Variants in PARD3B observed in about 807,000 individuals in gnomAD.
The protein encoded by PARD3B is par-3 family cell polarity regulator beta.
PARD3B carries 103 observed loss-of-function variants against 130.2 expected under a neutral mutation model. The observed-to-expected ratio is 0.79, with a 90% CI of 0.67 to 0.93. The LOEUF (loss-of-function observed/expected upper bound fraction) is 0.93, where lower values mean the gene tolerates loss of function less well. Ranked by LOEUF, PARD3B falls within the 40% of genes least tolerant of loss-of-function variation. PARD3B has a pLI of 0.00. For missense variants in PARD3B, 1,609 were observed against 1,499.2 expected (o/e 1.07, Z -1.21); for synonymous variants, 583 against 553.2 (o/e 1.05, Z -0.76).
chr2:205,103,202 T>TAAA (rs1702924724), intron 4 of PARD3B, among the ~76,000 whole-genome samples: 1 of 145,730 alleles, frequency 6.9e-6, no homozygotes, highest in Admixed American at 6.9e-5. Flanking sequence ...TATATTTATG[T>TAAA]AAACATTTTA....
chr2:204,620,806 ATC>A lies in PARD3B; in HGVS notation c.121-65371_121-65370del, dbSNP rs138095872. Among the ~76,000 whole-genome samples the A allele has an allele frequency of 3.3e-4, 50 of 152,200 alleles. No individual in the cohort carries two copies. In the East Asian group the frequency reaches 7.9e-3, roughly 24 times the overall value. ...TAGTGGTGGCTACCTGTGCCAAGAAATCTCTGTTTTGATGATCTGAGAGTGCT... is the reference window on the plus strand; with the variant it reads ...TAGTGGTGGCTACCTGTGCCAAGAAATCTGTTTTGATGATCTGAGAGTGCT... On this transcript the variant is annotated intron_variant, in intron 1 of 22. Transcript: ENST00000406610.
chr2:205,337,551 GT>G (rs2043358038), intron 18 of PARD3B, among the ~76,000 whole-genome samples: 1 of 152,098 alleles, frequency 6.6e-6, no homozygotes, highest in African/African-American at 2.4e-5. Flanking sequence ...TGACTTTTTG[GT>G]TGTTACAGAT....
chr2:205,433,931 A>G (rs2047423851), intron 19 of PARD3B, among the ~76,000 whole-genome samples: 1 of 152,198 alleles, frequency 6.6e-6, no homozygotes, highest in African/African-American at 2.4e-5. Flanking sequence ...TTTTATGTCT[A>G]ATTTTTGCTA....
chr2:205,581,188 G>A (rs2053949830), intron 22 of PARD3B, among the ~76,000 whole-genome samples: 1 of 149,556 alleles, frequency 6.7e-6, no homozygotes, highest in Non-Finnish European at 1.5e-5. Flanking sequence ...CTACCTAAGT[G>A]TCTATCAACA....
At chr2:205,036,309 ATATG>A (rs1303130098) in intron 3 of PARD3B, among the ~76,000 whole-genome samples, 2 of 147,392 alleles carry the variant, frequency 1.4e-5, no homozygotes, top group Admixed American at 1.4e-4. Context: ...ATATAAAAAT[ATATG>A]TATATAGTGG....
chr2:204,742,025 T>G (rs1243419405), intron 2 of PARD3B, among the ~76,000 whole-genome samples: 6 of 152,142 alleles, frequency 3.9e-5, no homozygotes, highest in Non-Finnish European at 5.9e-5. Context: ...CAGGATCTAC[T>G]TACTCAGAAG....
At chr2:205,048,152 G>C (rs778501198) in intron 4 of PARD3B, 1 of 152,446 alleles carries the variant, frequency 6.6e-6, no homozygotes, top group Non-Finnish European at 1.5e-5. Flanking sequence ...AATGTCCAAG[G>C]ATATCATTAT....
At position 205,530,703 on chromosome 2, in the gene PARD3B, C is replaced by T. The variant is rs2051553370; in HGVS notation, c.3181-22621C>T. 6.6e-6 allele frequency among the ~76,000 whole-genome samples: 1 copy of T among 151,500 alleles called. No individual in the cohort carries two copies. Reference sequence around the variant, plus strand: ...AGAGCTAACTTGGATTCCTTTCTTTCATAATCCCCTACAAAGTGTTGCACA... The same window carrying T: ...AGAGCTAACTTGGATTCCTTTCTTTTATAATCCCCTACAAAGTGTTGCACA... On this transcript the variant is annotated intron_variant, in intron 21 of 22. Transcript: ENST00000406610. The surrounding 1 kb of genome is among the most constrained non-coding windows in gnomAD (Gnocchi z 4.7).
intron 3 of PARD3B, among the ~76,000 whole-genome samples, chr2:205,006,891 C>A (rs1695306934): frequency 6.6e-6 from 1 of 152,112 alleles, no homozygotes; most frequent in South Asian, 2.1e-4. Flanking sequence ...TTTGTCTAAA[C>A]CAATGTCCAG....
intron 2 of PARD3B, among the ~76,000 whole-genome samples, chr2:204,850,500 G>GTA (rs962918465): frequency 5.5e-4 from 83 of 151,704 alleles, no homozygotes; most frequent in Admixed American, 8.5e-4. Context: ...ATAGATATAT[G>GTA]TATATATATA....
At chr2:205,103,081 TA>T (rs67502089) in intron 4 of PARD3B, among the ~76,000 whole-genome samples, 40,505 of 144,460 alleles carry the variant, frequency 0.28, 6,554 homozygotes, top group Admixed American at 0.44. Flanking sequence ...TAAAAATATA[TA>T]TTTTTTTATT....
chr2:204,578,311 A>G (rs2032373738), intron 1 of PARD3B, among the ~76,000 whole-genome samples: 1 of 152,178 alleles, frequency 6.6e-6, no homozygotes, highest in Admixed American at 6.5e-5. Context: ...TGGATTAGTT[A>G]TTTTAAAAAC....
At chr2:205,255,465 A>G (rs1317117130) in intron 16 of PARD3B, among the ~76,000 whole-genome samples, 2 of 152,064 alleles carry the variant, frequency 1.3e-5, no homozygotes, top group East Asian at 1.9e-4. Flanking sequence ...CTATAATTCA[A>G]TTCAATTCTG....
chr2:205,453,814 A>G (rs1384474936), intron 20 of PARD3B, among the ~76,000 whole-genome samples: 1 of 152,214 alleles, frequency 6.6e-6, no homozygotes, highest in Admixed American at 6.5e-5. Flanking sequence ...TTTTTGTTGC[A>G]GTTGTACATG....
chr2:205,459,833 A>G (rs188182971), intron 20 of PARD3B, among the ~76,000 whole-genome samples: 1 of 152,118 alleles, frequency 6.6e-6, no homozygotes, highest in Non-Finnish European at 1.5e-5. Flanking sequence ...AAAATAGCTA[A>G]TCTGGTGGTG....
chr2:204,764,276 GAGTTACTCCAT>G (rs1203193026), intron 2 of PARD3B, among the ~76,000 whole-genome samples: 1 of 152,162 alleles, frequency 6.6e-6, no homozygotes, highest in Non-Finnish European at 1.5e-5. Context: ...CCCTTAGCTT[GAGTTACTCCAT>G]AGTTACTCCA....
intron 15 of PARD3B, among the ~76,000 whole-genome samples, chr2:205,222,827 A>T (rs1010258047): frequency 2.0e-5 from 3 of 150,448 alleles, no homozygotes; most frequent in Non-Finnish European, 2.9e-5. Flanking sequence ...CCTAGGAGCA[A>T]TCTTGCACAA....
In PARD3B at chr2:204,610,384, C is replaced by G. The variant is rs951216889; in HGVS notation, c.120+64265C>G. 6.6e-6 allele frequency among the ~76,000 whole-genome samples: 1 copy of G among 152,332 alleles called. No homozygotes were observed. Among genetic ancestry groups the G allele is most frequent in the Admixed American group, 6.5e-5 (1 of 15,296 alleles). On this transcript the variant is annotated intron_variant, in intron 1 of 22. Transcript: ENST00000406610. The surrounding 1 kb of genome is among the most constrained non-coding windows in gnomAD (Gnocchi z 4.1). ...TGTTCCCTTGTCCTTTTTATGGAGT[C>G]TCCCTCTGTTGCCTAGGCTGGAGGG...
intron 1 of PARD3B, among the ~76,000 whole-genome samples, chr2:204,587,352 T>A (rs552503801): frequency 6.6e-6 from 1 of 152,342 alleles, no homozygotes; most frequent in Admixed American, 6.5e-5. Context: ...TTAAAAAAAT[T>A]CAATTTTCTA....
Sources: gnomAD v4.1 joint callset for allele counts (sites outside exome capture counted in the v4.1 genomes callset) on GRCh38, gnomAD v4.1.1 for gene constraint, Gnocchi (gnomAD v3.1) non-coding constraint, MANE v1.5 for transcripts, NCBI Gene and HGNC (gene_info 2026-07-23, HGNC 2026-07-21) for gene names.